SYNE2: variants seen among roughly 807,000 people sequenced by gnomAD.
The protein encoded by SYNE2 is spectrin repeat containing nuclear envelope protein 2, also known as nesprin-2.
In SYNE2, 431 loss-of-function variants were observed where a neutral mutation model predicts 856.3. That is an observed-to-expected ratio of 0.50 (90% confidence interval 0.47 to 0.55). SYNE2 has a LOEUF of 0.55. Among genes scored for constraint, SYNE2 ranks in the 20% least tolerant of loss-of-function variants. The probability of loss-of-function intolerance (pLI) is 0.00; values close to 1 mark genes in which losing one functional copy is unlikely to be tolerated. For missense variants in SYNE2, 8,129 were observed against 8,023.2 expected (o/e 1.01, Z -0.50); for synonymous variants, 2,923 against 2,872.3 (o/e 1.02, Z -0.56).
In SYNE2 at chr14:63,891,221, T is replaced by A. The variant is rs369612689; in HGVS notation, c.-51-17877T>A. Among the ~76,000 whole-genome samples, 157 of 152,180 alleles carry A rather than the reference T, an allele frequency of 1.0e-3. 3 individuals are homozygous for A. The South Asian group carries it at 0.032, about 31-fold the overall frequency. Reference sequence around the variant, plus strand: ...CTGCCAATTAAACTGTCAAAAGAGATTAACAAGAAAAAAAACAGTTTTAAT... The same window carrying A: ...CTGCCAATTAAACTGTCAAAAGAGAATAACAAGAAAAAAAACAGTTTTAAT... On this transcript the variant is annotated intron_variant, in intron 1 of 115. Transcript: ENST00000555002.
chr14:64,226,002 T>C lies in SYNE2; in HGVS notation c.*476T>C. 4.3e-6 allele frequency: 1 copy of C among 231,316 alleles called. No individual in the cohort carries two copies. The highest frequency in any genetic ancestry group is 8.5e-6 in the Non-Finnish European group (1 of 117,178). The allele number at this position is 231,316 out of a possible 1,614,324, so 14.3% of individuals were successfully genotyped here. ...ATATTTAATACGCTTAGAATCAGTT[T>C]TACTCCAATCAGCTGGCAATTTTGA... On this transcript the variant is annotated 3_prime_UTR_variant, in exon 116 of 116. Coordinates refer to ENST00000555002, the MANE Select transcript of SYNE2 (RefSeq NM_182914.3).
At chr14:63,869,020 C>T (rs2140338839) in intron 1 of SYNE2, among the ~76,000 whole-genome samples, 1 of 152,316 alleles carries the variant, frequency 6.6e-6, no homozygotes, top group East Asian at 1.9e-4. Context: ...GGACATTAAC[C>T]TTCAAGCAGC....
chr14:63,944,824 C>CTTTTTTTTTTTTT lies in SYNE2; in HGVS notation c.408+2694_408+2706dup, dbSNP rs55906748. On this transcript the variant is annotated intron_variant, in intron 6 of 115. Coordinates refer to ENST00000555002, the MANE Select transcript of SYNE2 (RefSeq NM_182914.3). ...GTGAGCCACCGTGCTGGGCTTAAAG[C>CTTTTTTTTTTTTT]TTTTTTTTTTTTTTTTTTTTTTTTT... is the stretch of plus-strand genomic sequence containing the variant. Among the ~76,000 whole-genome samples the CTTTTTTTTTTTTT allele has an allele frequency of 4.5e-4, 21 of 46,948 alleles. 3 individuals are homozygous for CTTTTTTTTTTTTT. The highest frequency in any genetic ancestry group is 1.7e-3 in the African/African-American group (17 of 9,788). The allele number at this position is 46,948 out of a possible 152,430, so 30.8% of individuals were successfully genotyped here.
At chr14:63,885,399 C>T (rs1400616991) in intron 1 of SYNE2, among the ~76,000 whole-genome samples, 1 of 152,126 alleles carries the variant, frequency 6.6e-6, no homozygotes, top group African/African-American at 2.4e-5. Flanking sequence ...AAATTGTTTC[C>T]AGGTGGGGAG....
intron 1 of SYNE2, among the ~76,000 whole-genome samples, chr14:63,799,325 C>T (rs1052310824): frequency 2.0e-5 from 3 of 152,024 alleles, no homozygotes; most frequent in Admixed American, 1.3e-4. Context: ...GTGATCTGCC[C>T]GCCTAAGTCT....
chr14:63,790,083 GC>G (rs1039439779), intron 1 of SYNE2, among the ~76,000 whole-genome samples: 4 of 152,198 alleles, frequency 2.6e-5, no homozygotes, highest in Non-Finnish European at 4.4e-5. Flanking sequence ...AAATTGCTCA[GC>G]AATTTGGAAG....
chr14:64,040,592 T>C (rs952771652), intron 45 of SYNE2, among the ~76,000 whole-genome samples: 2 of 75,028 alleles, frequency 2.7e-5, no homozygotes, highest in East Asian at 7.4e-4. Flanking sequence ...AGAAGTGAGG[T>C]TAAAAATATA....
chr14:63,989,202 A>T (rs766863318), intron 19 of SYNE2, among the ~76,000 whole-genome samples: 18 of 152,242 alleles, frequency 1.2e-4, no homozygotes, highest in East Asian at 1.9e-4. Context: ...TTTCTGTGTC[A>T]AATATTTTTG....
chr14:64,038,540 A>G (rs2153558884), intron 45 of SYNE2, among the ~76,000 whole-genome samples: 1 of 152,378 alleles, frequency 6.6e-6, no homozygotes, highest in South Asian at 2.1e-4. Context: ...ACTGCACTCC[A>G]GCCTGGGCAC....
At chr14:64,178,326 A>T (rs1198406421) in intron 96 of SYNE2, among the ~76,000 whole-genome samples, 1 of 152,234 alleles carries the variant, frequency 6.6e-6, no homozygotes, top group African/African-American at 2.4e-5. Flanking sequence ...ATTAAAAAGT[A>T]TACACACAGT....
chr14:63,950,069 A>C, intron 7 of SYNE2, 63 bp downstream of exon 7: 1 of 1,519,516 alleles, frequency 6.6e-7, no homozygotes, highest in Non-Finnish European at 9.1e-7. Context: ...ACACCACCTC[A>C]CCACCCAAAC....
chr14:63,783,469 C>T (rs1887398644), intron 1 of SYNE2, among the ~76,000 whole-genome samples: 1 of 152,114 alleles, frequency 6.6e-6, no homozygotes, highest in Non-Finnish European at 1.5e-5. Context: ...CCTCCGCCTC[C>T]CGGGTTCAAG....
intron 73 of SYNE2, among the ~76,000 whole-genome samples, chr14:64,127,128 G>T (rs2097954560): frequency 6.6e-6 from 1 of 152,190 alleles, no homozygotes; most frequent in Non-Finnish European, 1.5e-5. Flanking sequence ...GGACATGGTG[G>T]TGTGTGCCTG....
chr14:64,000,426 A>G, intron 27 of SYNE2, 136 bp from the exon 28 acceptor site: 1 of 805,046 alleles, frequency 1.2e-6, no homozygotes, highest in Non-Finnish European at 2.1e-6. Context: ...GGTGGTTGGA[A>G]AGTATTTTTA....
intron 49 of SYNE2, 41 bp from the exon 50 acceptor site, chr14:64,062,710 T>A (rs778434894): frequency 1.3e-6 from 2 of 1,556,584 alleles, no homozygotes; most frequent in Admixed American, 3.4e-5. Flanking sequence ...TTGTGTTAAA[T>A]AAAATTTAAT....
intron 82 of SYNE2, among the ~76,000 whole-genome samples, chr14:64,142,609 C>G (rs1469754449): frequency 6.6e-6 from 1 of 152,144 alleles, no homozygotes; most frequent in Non-Finnish European, 1.5e-5. Flanking sequence ...CTATTAGTAG[C>G]TCCTATCATG....
intron 1 of SYNE2, among the ~76,000 whole-genome samples, chr14:63,843,898 C>A (rs1347975956): frequency 1.3e-5 from 2 of 152,046 alleles, no homozygotes; most frequent in African/African-American, 2.4e-5. Context: ...AGATTTACAG[C>A]AAAATTGAGT....
At chr14:63,916,864 G>A (rs968889367) in intron 2 of SYNE2, among the ~76,000 whole-genome samples, 5 of 151,970 alleles carry the variant, frequency 3.3e-5, no homozygotes, top group Admixed American at 6.5e-5. Flanking sequence ...TGGGAGTACT[G>A]CTTGAGCCCA....
chr14:64,122,603 C>T (rs1224147293), intron 70 of SYNE2, 176 bp downstream of exon 70: 1 of 775,280 alleles, frequency 1.3e-6, no homozygotes, highest in African/African-American at 1.7e-5. Flanking sequence ...CTTTGTGCTT[C>T]TGTAGCACCC....
Sources: allele counts gnomAD v4.1 joint callset (sites outside exome capture counted in the v4.1 genomes callset), GRCh38; gene constraint gnomAD v4.1.1; transcripts MANE v1.5; gene names NCBI Gene and HGNC (gene_info 2026-07-23, HGNC 2026-07-21).